Variants in HSD17B11 observed in about 807,000 individuals in gnomAD.
HSD17B11 encodes the protein estradiol 17-beta-dehydrogenase 11.
HSD17B11 carries 22 observed loss-of-function variants against 27.8 expected under a neutral mutation model. The ratio of observed to expected loss-of-function variants is 0.79; its 90% confidence interval spans 0.56 to 1.13. The LOEUF is 1.13. Ranked by LOEUF, HSD17B11 falls within the 50% of genes most tolerant of loss-of-function variation. The probability of loss-of-function intolerance (pLI) is 0.00; values close to 1 mark genes in which losing one functional copy is unlikely to be tolerated. For synonymous variants in HSD17B11, 117 were observed against 132.8 expected, an observed-to-expected ratio of 0.88 and a Z score of 0.82; for missense variants, 314 against 351.1, an observed-to-expected ratio of 0.89 and a Z score of 0.84.
chr4:87,343,557 T>TA, intron 5 of HSD17B11, among the ~76,000 whole-genome samples: 1 of 150,610 alleles, frequency 6.6e-6, no homozygotes, highest in East Asian at 1.9e-4. Flanking sequence ...CTTTTTTTTT[T>TA]TTTTTTTTGA....
intron 1 of HSD17B11, among the ~76,000 whole-genome samples, chr4:87,386,347 C>T (rs1171977089): frequency 6.6e-6 from 1 of 152,196 alleles, no homozygotes; most frequent in South Asian, 2.1e-4. Flanking sequence ...GGATTACAGG[C>T]ATGCGCCACC....
chr4:87,342,381 CAAAAAA>C (rs543558458), intron 5 of HSD17B11, among the ~76,000 whole-genome samples: 1 of 74,344 alleles, frequency 1.3e-5, no homozygotes, highest in Non-Finnish European at 3.3e-5. Flanking sequence ...AACTTCGCTG[CAAAAAA>C]AAAAAAAAAA....
chr4:87,358,113 C>A (rs905074571), intron 4 of HSD17B11, among the ~76,000 whole-genome samples: 1 of 151,888 alleles, frequency 6.6e-6, no homozygotes, highest in African/African-American at 2.4e-5. Flanking sequence ...AGGCGCCCGC[C>A]ACCATGCTCG....
intron 4 of HSD17B11, among the ~76,000 whole-genome samples, chr4:87,367,480 T>C (rs1735632378): frequency 6.6e-6 from 1 of 152,180 alleles, no homozygotes. Flanking sequence ...AGATTCCTTA[T>C]AAAACAGAGT....
intron 4 of HSD17B11, among the ~76,000 whole-genome samples, chr4:87,370,383 T>C (rs6531984): frequency 0.77 from 116,624 of 152,124 alleles, 45,687 homozygotes; most frequent in African/African-American, 0.92. Flanking sequence ...ATGATTTAAA[T>C]CTTATAGCAT....
Position 87,370,408 on chromosome 4 carries a change from A to ATAT in HSD17B11, c.557+2298_557+2300dup, listed in dbSNP as rs558649956. Among the ~76,000 whole-genome samples, 104 of 151,762 alleles carry ATAT rather than the reference A, an allele frequency of 6.9e-4. 1 individual carries two copies. Among genetic ancestry groups the ATAT allele is most frequent in the African/African-American group, 1.5e-3 (61 of 41,440 alleles). ...TCTTATAGCATTCTAAATAAGTTAG[A>ATAT]TATTATTATTATTATTATTATTTTT... On this transcript the variant is annotated intron_variant, in intron 4 of 6. Coordinates refer to ENST00000358290, the MANE Select transcript of HSD17B11 (RefSeq NM_016245.5).
Position 87,337,026 on chromosome 4 carries a change from A to G in HSD17B11, c.*250T>C. ...AAATAATCTTGGAAATTATTTTAATAAAGTCATTTTGGTTCTTTTTCTTCA... is the reference window on the plus strand; with the variant it reads ...AAATAATCTTGGAAATTATTTTAATGAAGTCATTTTGGTTCTTTTTCTTCA... On this transcript the variant is annotated 3_prime_UTR_variant, in exon 7 of 7. Transcript: ENST00000358290. 2.7e-6 allele frequency: 1 copy of G among 368,468 alleles called. No individual in the cohort carries two copies. Among genetic ancestry groups the G allele is most frequent in the Non-Finnish European group, 4.8e-6 (1 of 208,702 alleles). 22.8% of individuals were successfully genotyped at this position (368,468 alleles called of 1,614,324 possible). A position where few individuals can be genotyped will look rare whatever the true frequency, so the allele number is the denominator to read the frequency against.
At chr4:87,382,156 T>G in intron 2 of HSD17B11, 99 bp downstream of exon 2, 1 of 852,468 alleles carries the variant, frequency 1.2e-6, no homozygotes, top group Non-Finnish European at 1.9e-6. Flanking sequence ...ATAACAACAT[T>G]TCTCAGGTAC....
In HSD17B11 at chr4:87,391,130, T is replaced by G; in HGVS notation, c.-60A>C. On this transcript the variant is annotated 5_prime_UTR_variant, in exon 1 of 7. Transcript: ENST00000358290. The stretch of plus-strand genomic sequence containing the variant: ...TTTTTTTTTTACCACTCTAAACTGC[T>G]TTTAGAGGGTAGCTCGATCTAACAC... The G allele has an allele frequency of 7.9e-7, 1 of 1,263,894 alleles. No homozygotes were observed. 78.3% of individuals were successfully genotyped at this position (1,263,894 alleles called of 1,614,324 possible).
chr4:87,378,823 TATATATAA>T (rs1719998624), intron 2 of HSD17B11, among the ~76,000 whole-genome samples: 15 of 38,102 alleles, frequency 3.9e-4, no homozygotes, highest in African/African-American at 1.4e-3. Context: ...ATATAAAATA[TATATATAA>T]ATATATATAT....
chr4:87,388,510 C>G (rs1343746631), intron 1 of HSD17B11, among the ~76,000 whole-genome samples: 1 of 152,196 alleles, frequency 6.6e-6, no homozygotes, highest in Non-Finnish European at 1.5e-5. Flanking sequence ...ACTGTGCTCT[C>G]AGCTTCTTCT....
chr4:87,359,711 T>C (rs1735470296), intron 4 of HSD17B11, among the ~76,000 whole-genome samples: 1 of 152,136 alleles, frequency 6.6e-6, no homozygotes, highest in Admixed American at 6.6e-5. Context: ...CCCTATAAAA[T>C]ATATTAAGAT....
chr4:87,339,853 T>C (rs1283946478), intron 6 of HSD17B11, among the ~76,000 whole-genome samples: 1 of 152,338 alleles, frequency 6.6e-6, no homozygotes, highest in South Asian at 2.1e-4. Flanking sequence ...TGAATTCCAG[T>C]GTGCACCAAA....
intron 4 of HSD17B11, among the ~76,000 whole-genome samples, chr4:87,369,726 A>G (rs888029010): frequency 6.6e-6 from 1 of 152,174 alleles, no homozygotes; most frequent in Non-Finnish European, 1.5e-5. Flanking sequence ...GTCAGCCACC[A>G]TGCCTGGCCC....
chr4:87,359,254 A>G (rs1300705017), intron 4 of HSD17B11, among the ~76,000 whole-genome samples: 2 of 149,642 alleles, frequency 1.3e-5, no homozygotes, highest in Non-Finnish European at 3.0e-5. Flanking sequence ...AAAGATTGTT[A>G]GATTAAATTA....
chr4:87,339,150 A>G (rs1578031955), intron 6 of HSD17B11, among the ~76,000 whole-genome samples: 1 of 152,220 alleles, frequency 6.6e-6, no homozygotes, highest in Non-Finnish European at 1.5e-5. Context: ...TCCTTCTTCT[A>G]TAGGTTTATA....
At chr4:87,371,720 T>A (rs910719785) in intron 4 of HSD17B11, among the ~76,000 whole-genome samples, 1 of 152,230 alleles carries the variant, frequency 6.6e-6, no homozygotes, top group Admixed American at 6.5e-5. Context: ...AGTCCTATCA[T>A]TGATCAGATG....
chr4:87,374,639 C>T (rs1735783812), intron 3 of HSD17B11, 60 bp downstream of exon 3: 15 of 1,504,910 alleles, frequency 1.0e-5, no homozygotes, highest in Non-Finnish European at 1.4e-5. Context: ...CTGCTAAAAG[C>T]CCCACTTTAA....
chr4:87,378,894 AAATATATATAAATAT>A (rs1720024172), intron 2 of HSD17B11, among the ~76,000 whole-genome samples: 4 of 12,178 alleles, frequency 3.3e-4, no homozygotes, highest in Non-Finnish European at 5.5e-4. Context: ...ATATATATAT[AAATATATATAAATAT>A]ATATATATAA....
Sources: allele counts gnomAD v4.1 joint callset (sites outside exome capture counted in the v4.1 genomes callset), GRCh38; gene constraint gnomAD v4.1.1; transcripts MANE v1.5; gene names NCBI Gene and HGNC (gene_info 2026-07-23, HGNC 2026-07-21).